The following A4GNT variants were observed in gnomAD, a reference collection of about 807,000 sequenced individuals.
A4GNT encodes the protein alpha-1,4-N-acetylglucosaminyltransferase.
A neutral mutation model predicts 8.3 loss-of-function variants in A4GNT; 6 were observed. The observed-to-expected ratio is 0.72, with a 90% CI of 0.39 to 1.42. The LOEUF (loss-of-function observed/expected upper bound fraction) is 1.42. Ranked by LOEUF, A4GNT falls within the 40% of genes most tolerant of loss-of-function variation. The pLI is 0.02. For synonymous variants in A4GNT, 157 were observed against 159.8 expected (o/e 0.98, Z 0.13); for missense variants, 377 against 417.0 (o/e 0.90, Z 0.84).
chr3:138,126,860 G>A (rs913705257), intron 2 of A4GNT, among the ~76,000 whole-genome samples: 8 of 151,448 alleles, frequency 5.3e-5, no homozygotes, highest in Admixed American at 2.0e-4. Context: ...GCCGGGCGTG[G>A]GTGGCTCATG....
intron 1 of A4GNT, among the ~76,000 whole-genome samples, chr3:138,132,007 C>T (rs544686649): frequency 2.6e-5 from 4 of 151,928 alleles, no homozygotes; most frequent in South Asian, 4.2e-4. Flanking sequence ...ATTTCTACTA[C>T]GAATATTAAA....
In A4GNT at chr3:138,124,852, C is replaced by G. The variant is rs747664774; in HGVS notation, c.435G>C (p.Trp145Cys). The G allele has an allele frequency of 6.2e-7, 1 of 1,612,562 alleles. No homozygotes were observed. Among genetic ancestry groups the G allele is most frequent in the East Asian group, 2.2e-5 (1 of 44,850 alleles). ...GGGATGCATCCGAGCTGATGTGGAG[C>G]CAGTTTCTCTCTGCGCTGGCGTTGA... ...NQINASAERN[W>C]LHISSDASRL... Residue 145 changes from tryptophan to cysteine, a missense_variant, in exon 3 of 3, where the codon TGG (tryptophan) becomes TGC (cysteine). Transcript: ENST00000236709.
Position 138,131,234 on chromosome 3 carries a change from G to A in A4GNT, c.23C>T (p.Ser8Phe), listed in dbSNP as rs1485824894. Residue 8 changes from serine (S) to phenylalanine (F), a missense_variant, in exon 2 of 3, where the codon TCC becomes TTC. Coordinates refer to ENST00000236709, the MANE Select transcript of A4GNT (RefSeq NM_016161.3). MRKELQLSLSVTLLLVCG... is the reference protein window; with the variant it reads MRKELQLFLSVTLLLVCG... ...GACAAGCAGCAAGGTGACTGACAGG[G>A]AGAGCTGGAGCTCCTTCCGCATGTC... 6.3e-7 allele frequency: 1 copy of A among 1,595,248 alleles called. No individual in the cohort carries two copies. Among genetic ancestry groups the A allele is most frequent in the African/African-American group, 1.3e-5 (1 of 74,568 alleles).
chr3:138,130,760 G>A, intron 2 of A4GNT, 89 bp downstream of exon 2: 3 of 1,441,134 alleles, frequency 2.1e-6, no homozygotes, highest in South Asian at 1.4e-5. Flanking sequence ...CCAAATGTGG[G>A]TTCTATTCCC....
At chr3:138,125,195 C>A (rs574081872) in intron 2 of A4GNT, among the ~76,000 whole-genome samples, 1 of 152,176 alleles carries the variant, frequency 6.6e-6, no homozygotes, top group East Asian at 1.9e-4. Context: ...TTTCACTATG[C>A]ACTGTATGAG....
chr3:138,125,435 A>T lies in A4GNT; in HGVS notation c.409-557T>A, dbSNP rs545686282. The stretch of plus-strand genomic sequence containing the variant: ...TATTTACTATGTGCCGAATTCTATT[A>T]AAACTGCTAAGGATACAGCAGTGAA... On this transcript the variant is annotated intron_variant, in intron 2 of 2. Coordinates refer to ENST00000236709, the MANE Select transcript of A4GNT (RefSeq NM_016161.3). Among the ~76,000 whole-genome samples, 221 of 152,366 alleles carry T rather than the reference A, an allele frequency of 1.5e-3. 1 individual carries two copies. The highest frequency in any genetic ancestry group is 5.1e-3 in the African/African-American group (212 of 41,584).
chr3:138,130,816 T>C, intron 2 of A4GNT, 33 bp downstream of exon 2: 1 of 1,600,612 alleles, frequency 6.2e-7, no homozygotes, highest in Non-Finnish European at 8.5e-7. Context: ...TATATACAAT[T>C]CGTTGACATT....
At chr3:138,130,503 G>A (rs187994041) in intron 2 of A4GNT, among the ~76,000 whole-genome samples, 466 of 150,910 alleles carry the variant, frequency 3.1e-3, no homozygotes, top group African/African-American at 0.011. Flanking sequence ...TTCCACTTTA[G>A]GTGAAAAAAA....
rs111599813 is a variant in A4GNT at position 138,127,350 on chromosome 3, C to T, written c.409-2472G>A. Among the ~76,000 whole-genome samples, 274 of 151,716 alleles carry T rather than the reference C, an allele frequency of 1.8e-3. 2 individuals carry two copies. The highest frequency in any genetic ancestry group is 2.1e-3 in the Non-Finnish European group (143 of 67,900). ...CAGCACTTTGGGAGACCGAGGTGGGCGGATCACGAGGTCAAAAGATCGAGA... is the reference window on the plus strand; with the variant it reads ...CAGCACTTTGGGAGACCGAGGTGGGTGGATCACGAGGTCAAAAGATCGAGA... On this transcript the variant is annotated intron_variant, in intron 2 of 2. Coordinates refer to ENST00000236709, the MANE Select transcript of A4GNT (RefSeq NM_016161.3).
At chr3:138,126,246 G>A (rs1426284978) in intron 2 of A4GNT, among the ~76,000 whole-genome samples, 1 of 152,090 alleles carries the variant, frequency 6.6e-6, no homozygotes, top group Non-Finnish European at 1.5e-5. Context: ...AAGAGTCACA[G>A]ATGACTGCAA....
chr3:138,132,142 T>A (rs1246938217), intron 1 of A4GNT, 70 bp downstream of exon 1: 1 of 152,226 alleles, frequency 6.6e-6, no homozygotes, highest in Non-Finnish European at 1.5e-5. Context: ...ATCACACGAT[T>A]AGCAAGTAGC....
rs367814278 is a variant in A4GNT at position 138,130,861 on chromosome 3, T to C, written c.396A>G (p.Ser132=). ...CCTAAACACTTACTTGATTGTACCA[T>C]GAAAACAATGGTGTGTCTTCAAGCA... ...KRLLEDTPLF[S]WYNQINASAE... The change falls in exon 2 of 3, where the codon TCA becomes TCG. Residue 132 remains serine (S), a synonymous_variant. Coordinates refer to ENST00000236709, the MANE Select transcript of A4GNT (RefSeq NM_016161.3). 97 of 1,613,802 alleles carry C rather than the reference T, an allele frequency of 6.0e-5. No homozygotes were observed. Among genetic ancestry groups the C allele is most frequent in the Admixed American group, 1.7e-4 (10 of 59,968 alleles).
intron 2 of A4GNT, among the ~76,000 whole-genome samples, chr3:138,130,438 T>C (rs2622699): frequency 0.64 from 97,635 of 151,924 alleles, 31,543 homozygotes; most frequent in Admixed American, 0.69. Context: ...CAGCATTTCA[T>C]CCATCCTTCA....
At chr3:138,128,244 G>A (rs2042757082) in intron 2 of A4GNT, among the ~76,000 whole-genome samples, 1 of 152,158 alleles carries the variant, frequency 6.6e-6, no homozygotes, top group Non-Finnish European at 1.5e-5. Context: ...ATACAATTTA[G>A]GCAGTGTGTT....
At chr3:138,125,638 T>A (rs1394352104) in intron 2 of A4GNT, among the ~76,000 whole-genome samples, 1 of 152,172 alleles carries the variant, frequency 6.6e-6, no homozygotes, top group African/African-American at 2.4e-5. Context: ...GGATGAACCA[T>A]GCCCATAGCT....
rs981325772 is a variant in A4GNT, at chr3:138,124,103, T to C, written c.*161A>G. ...GTGTATGTTTTATAGCCAGTATCAT[T>C]TGGGATTTTTCTATTACAGACAGAG... On this transcript the variant is annotated 3_prime_UTR_variant, in exon 3 of 3. Coordinates refer to ENST00000236709, the MANE Select transcript of A4GNT (RefSeq NM_016161.3). 9 of 947,370 alleles carry C rather than the reference T, an allele frequency of 9.5e-6. No homozygotes were observed. Among genetic ancestry groups the C allele is most frequent in the African/African-American group, 6.6e-5 (4 of 60,420 alleles). 58.7% of individuals were successfully genotyped at this position (947,370 alleles called of 1,614,324 possible).
intron 2 of A4GNT, among the ~76,000 whole-genome samples, chr3:138,125,235 A>G (rs940551567): frequency 1.3e-5 from 2 of 152,224 alleles, no homozygotes; most frequent in Non-Finnish European, 2.9e-5. Flanking sequence ...TACATAAACT[A>G]CAAATATGTA....
At chr3:138,130,577 A>T (rs1008328178) in intron 2 of A4GNT, among the ~76,000 whole-genome samples, 2 of 152,230 alleles carry the variant, frequency 1.3e-5, no homozygotes, top group African/African-American at 4.8e-5. Flanking sequence ...ATACACCTAG[A>T]AAAGATATAA....
chr3:138,124,110 T>G lies in A4GNT; in HGVS notation c.*154A>C. On this transcript the variant is annotated 3_prime_UTR_variant, in exon 3 of 3. Coordinates refer to ENST00000236709, the MANE Select transcript of A4GNT (RefSeq NM_016161.3). Reference sequence around the variant, plus strand: ...TTTTATAGCCAGTATCATTTGGGATTTTTCTATTACAGACAGAGAAAGCTA... The same window carrying G: ...TTTTATAGCCAGTATCATTTGGGATGTTTCTATTACAGACAGAGAAAGCTA... 1 of 1,067,194 alleles carries G rather than the reference T, an allele frequency of 9.4e-7. No individual in the cohort carries two copies. The highest frequency in any genetic ancestry group is 1.3e-6 in the Non-Finnish European group (1 of 758,582). The allele number at this position is 1,067,194 out of a possible 1,614,324, so 66.1% of individuals were successfully genotyped here.
Sources: gnomAD v4.1 joint callset for allele counts (sites outside exome capture counted in the v4.1 genomes callset) on GRCh38, gnomAD v4.1.1 for gene constraint, MANE v1.5 for transcripts, NCBI Gene and HGNC (gene_info 2026-07-23, HGNC 2026-07-21) for gene names.